Variants in CSMD1 observed in about 807,000 individuals in gnomAD.
CSMD1 encodes CUB and sushi domain-containing protein 1.
CSMD1 carries 213 observed loss-of-function variants against 417.5 expected under a neutral mutation model. That is an observed-to-expected ratio of 0.51 (90% CI 0.46 to 0.57). The LOEUF (loss-of-function observed/expected upper bound fraction) is 0.57. CSMD1 is among the 20% of genes least tolerant of loss of function. The pLI is 0.00. For missense variants in CSMD1, 6,923 were observed against 4,529.7 expected, an observed-to-expected ratio of 1.53 and a Z score of -15.17; for synonymous variants, 2,862 against 1,736.8, an observed-to-expected ratio of 1.65 and a Z score of -16.11.
chr8:4,272,121 G>C (rs1164878411), intron 3 of CSMD1, among the ~76,000 whole-genome samples: 4 of 152,112 alleles, frequency 2.6e-5, no homozygotes, highest in Admixed American at 6.5e-5. Context: ...GGGTGTGTGT[G>C]TGTGGCTGGA....
chr8:3,511,494 G>T (rs1797065058), intron 10 of CSMD1, among the ~76,000 whole-genome samples: 1 of 151,646 alleles, frequency 6.6e-6, no homozygotes, highest in Non-Finnish European at 1.5e-5. Flanking sequence ...TTGGCTCACG[G>T]CTGTAATCCC....
intron 37 of CSMD1, among the ~76,000 whole-genome samples, chr8:3,168,337 A>T (rs1820361894): frequency 6.6e-6 from 1 of 152,216 alleles, no homozygotes; most frequent in Non-Finnish European, 1.5e-5. Context: ...TCTCTGGCAC[A>T]CGACACACAG....
At chr8:3,501,479 C>A (rs1438515163) in intron 10 of CSMD1, among the ~76,000 whole-genome samples, 2 of 152,082 alleles carry the variant, frequency 1.3e-5, no homozygotes. Flanking sequence ...GAACTGACAG[C>A]ACAATATAAA....
At chr8:4,588,653 C>T (rs4454292) in intron 2 of CSMD1, among the ~76,000 whole-genome samples, 3 of 151,854 alleles carry the variant, frequency 2.0e-5, no homozygotes, top group Admixed American at 6.6e-5. Flanking sequence ...GGCGTGGTGG[C>T]GGGCGCCTTT....
In CSMD1 at chr8:4,220,072, C is replaced by G. The variant is rs977304965; in HGVS notation, c.416-187973G>C. ...TTAAGCAATTCTCGTGCCTCAGCCT[C>G]CCGAGTACCTGTGATTACAGGCACG... is the stretch of plus-strand genomic sequence containing the variant. On this transcript the variant is annotated intron_variant, in intron 3 of 69. Coordinates refer to ENST00000635120, the MANE Select transcript of CSMD1 (RefSeq NM_033225.6). 2.6e-5 allele frequency among the ~76,000 whole-genome samples: 4 copies of G among 152,240 alleles called. No individual in the cohort carries two copies. In the East Asian group the frequency reaches 5.8e-4, roughly 22 times the overall value.
chr8:3,475,162 G>T (rs1256009321), intron 11 of CSMD1, among the ~76,000 whole-genome samples: 1 of 150,908 alleles, frequency 6.6e-6, no homozygotes, highest in Non-Finnish European at 1.5e-5. Flanking sequence ...TTCTCGCTGG[G>T]CATTTCTTAG....
intron 2 of CSMD1, among the ~76,000 whole-genome samples, chr8:4,636,515 T>C (rs1203303192): frequency 6.6e-6 from 1 of 152,166 alleles, no homozygotes; most frequent in Non-Finnish European, 1.5e-5. Context: ...TCTGACAACA[T>C]AAGGGTTCAT....
chr8:4,335,532 A>C (rs907458439), intron 3 of CSMD1, among the ~76,000 whole-genome samples: 5 of 152,098 alleles, frequency 3.3e-5, no homozygotes, highest in African/African-American at 4.8e-5. Context: ...TAAGAACATC[A>C]GCACCAACAT....
intron 4 of CSMD1, among the ~76,000 whole-genome samples, chr8:4,022,111 G>T: frequency 8.7e-6 from 1 of 114,878 alleles, no homozygotes; most frequent in African/African-American, 3.6e-5. Flanking sequence ...ATATATGAAT[G>T]GATATAGAAT....
intron 2 of CSMD1, among the ~76,000 whole-genome samples, chr8:4,502,789 T>G (rs2130292557): frequency 6.6e-6 from 1 of 152,280 alleles, no homozygotes. Context: ...GCATGACCAA[T>G]CTGTTGGACT....
intron 30 of CSMD1, among the ~76,000 whole-genome samples, chr8:3,209,362 G>A (rs1797475425): frequency 6.6e-6 from 1 of 151,900 alleles, no homozygotes; most frequent in Admixed American, 6.6e-5. Flanking sequence ...TGTGGCCCAG[G>A]CTGGAGTACA....
intron 5 of CSMD1, among the ~76,000 whole-genome samples, chr8:3,791,967 C>T (rs1041137515): frequency 1.3e-5 from 2 of 152,116 alleles, no homozygotes; most frequent in Non-Finnish European, 2.9e-5. Context: ...CCTTCAGACA[C>T]ATCACTTCCT....
chr8:4,026,578 A>G (rs978696061), intron 4 of CSMD1, among the ~76,000 whole-genome samples: 16 of 152,252 alleles, frequency 1.1e-4, no homozygotes, highest in African/African-American at 3.1e-4. Context: ...TTTTAATGTC[A>G]CAAGGAACTA....
intron 5 of CSMD1, among the ~76,000 whole-genome samples, chr8:3,957,408 T>G (rs1206297792): frequency 6.6e-6 from 1 of 152,190 alleles, no homozygotes; most frequent in Non-Finnish European, 1.5e-5. Flanking sequence ...CTGGGAGCAG[T>G]GGCTCCCACC....
chr8:3,775,949 T>A (rs1798865474), intron 5 of CSMD1, among the ~76,000 whole-genome samples: 1 of 152,244 alleles, frequency 6.6e-6, no homozygotes, highest in Admixed American at 6.5e-5. Flanking sequence ...TATATGCTGA[T>A]GATGCCAAAT....
intron 3 of CSMD1, among the ~76,000 whole-genome samples, chr8:4,140,941 A>T (rs996949616): frequency 6.6e-6 from 1 of 151,226 alleles, no homozygotes; most frequent in Admixed American, 6.6e-5. Context: ...CAACACCAAC[A>T]ACAAAAAGTC....
intron 7 of CSMD1, among the ~76,000 whole-genome samples, chr8:3,704,193 C>T (rs752559342): frequency 1.3e-5 from 2 of 152,132 alleles, no homozygotes; most frequent in Non-Finnish European, 2.9e-5. Flanking sequence ...GGAGATGCAG[C>T]CGGCCTGAAA....
intron 16 of CSMD1, 36 bp downstream of exon 16, chr8:3,399,348 ACACACAC>A: frequency 6.5e-7 from 1 of 1,535,118 alleles, no homozygotes; most frequent in Non-Finnish European, 8.8e-7. Flanking sequence ...TATGGAAGAG[ACACACAC>A]CATTGGGTCC....
At chr8:3,365,460 A>G (rs776053138) in intron 20 of CSMD1, among the ~76,000 whole-genome samples, 1 of 152,246 alleles carries the variant, frequency 6.6e-6, no homozygotes, top group Non-Finnish European at 1.5e-5. Flanking sequence ...TGAAGTTCTT[A>G]TTACAGTTGA....
Sources: allele counts gnomAD v4.1 joint callset (sites outside exome capture counted in the v4.1 genomes callset), GRCh38; gene constraint gnomAD v4.1.1; transcripts MANE v1.5; gene names NCBI Gene and HGNC (gene_info 2026-07-23, HGNC 2026-07-21).